Variants in DYNC2H1 observed in about 807,000 individuals in gnomAD.
The protein encoded by DYNC2H1 is dynein cytoplasmic 2 heavy chain 1.
In DYNC2H1, 410 loss-of-function variants were observed where a neutral mutation model predicts 570.0. The observed-to-expected ratio is 0.72, with a 90% CI of 0.66 to 0.78. The LOEUF (loss-of-function observed/expected upper bound fraction) is 0.78. DYNC2H1 is among the 30% of genes least tolerant of loss of function. The pLI, the probability that DYNC2H1 is intolerant of heterozygous loss-of-function variation, is 0.00. For missense variants in DYNC2H1, 4,865 were observed against 5,046.4 expected, an observed-to-expected ratio of 0.96 and a Z score of 1.09; for synonymous variants, 1,688 against 1,677.6, an observed-to-expected ratio of 1.01 and a Z score of -0.15.
chr11:103,438,106 C>T (rs1944126756), intron 85 of DYNC2H1, among the ~76,000 whole-genome samples: 1 of 152,092 alleles, frequency 6.6e-6, no homozygotes, highest in South Asian at 2.1e-4. Flanking sequence ...ATGTTCAGGA[C>T]TGACCATAGC....
At chr11:103,200,455 C>A (rs1591398094) in intron 50 of DYNC2H1, among the ~76,000 whole-genome samples, 1 of 152,218 alleles carries the variant, frequency 6.6e-6, no homozygotes, top group East Asian at 1.9e-4. Flanking sequence ...AAATTATCAT[C>A]TAGGACTTAT....
At chr11:103,197,876 G>A (rs1287041312) in intron 47 of DYNC2H1, 57 bp from the exon 48 acceptor site, 80 of 1,518,284 alleles carry the variant, frequency 5.3e-5, no homozygotes, top group Non-Finnish European at 6.2e-5. Context: ...CAATGTATTT[G>A]TTGAACTCTC....
intron 87 of DYNC2H1, among the ~76,000 whole-genome samples, chr11:103,456,839 G>A (rs1043626680): frequency 1.8e-4 from 27 of 152,142 alleles, no homozygotes; most frequent in Admixed American, 6.5e-4. Flanking sequence ...TTCAGTGTGC[G>A]CAAACATTGT....
At chr11:103,134,479 A>G (rs1859436962) in intron 15 of DYNC2H1, 60 bp downstream of exon 15, 1 of 1,345,900 alleles carries the variant, frequency 7.4e-7, no homozygotes, top group Admixed American at 2.2e-5. Flanking sequence ...GAATGTAAGT[A>G]CAATATATGA....
Position 103,120,992 on chromosome 11 carries a change from T to C in DYNC2H1, c.1316T>C (p.Leu439Ser). The C allele has an allele frequency of 6.3e-7, 1 of 1,591,560 alleles. No individual in the cohort carries two copies. The highest frequency in any genetic ancestry group is 1.3e-5 in the African/African-American group (1 of 74,196). ...CCAACTATAAGCAAAGAATTGATGT[T>C]AGAAAGAGAAACTTTACTGGCAAGA... ...KRPTISKELM[L>S]ERETLLARLV... The change falls in exon 9 of 89, where the codon TTA (leucine) becomes TCA (serine). Residue 439 changes from leucine (L) to serine (S), a missense_variant. By Grantham distance (145) the Leu-to-Ser change is moderately radical. Transcript: ENST00000375735.
intron 83 of DYNC2H1, among the ~76,000 whole-genome samples, chr11:103,365,519 T>C (rs1228914297): frequency 3.3e-5 from 5 of 152,236 alleles, no homozygotes; most frequent in Admixed American, 2.6e-4. Context: ...TAAGTACTTA[T>C]ATTCAGGCAA....
intron 58 of DYNC2H1, among the ~76,000 whole-genome samples, 177 bp downstream of exon 58, chr11:103,222,330 T>C (rs933331792): frequency 1.3e-5 from 2 of 152,162 alleles, no homozygotes; most frequent in Non-Finnish European, 2.9e-5. Context: ...TAAATTAGAA[T>C]CTAGGTAGCA....
chr11:103,171,490 A>G (rs779881640), intron 34 of DYNC2H1, among the ~76,000 whole-genome samples: 9 of 152,166 alleles, frequency 5.9e-5, no homozygotes, highest in Non-Finnish European at 1.0e-4. Context: ...TCCTGACCTC[A>G]GGTGATCCAC....
In DYNC2H1 at chr11:103,256,674, T is replaced by C. The variant is rs1214813859; in HGVS notation, c.10461+434T>C. 6.6e-6 allele frequency among the ~76,000 whole-genome samples: 1 copy of C among 152,196 alleles called. No homozygotes were observed. The highest frequency in any genetic ancestry group is 1.5e-5 in the Non-Finnish European group (1 of 68,012). On this transcript the variant is annotated intron_variant, in intron 68 of 88. Transcript: ENST00000375735. The surrounding 1 kb of genome is among the most constrained non-coding windows in gnomAD (Gnocchi z 4.0). Reference sequence around the variant, plus strand: ...TTTTCATGCTTATAATGAACAGTGCTGGGTACTTTATTATCCTAATGTGGA... The same window carrying C: ...TTTTCATGCTTATAATGAACAGTGCCGGGTACTTTATTATCCTAATGTGGA...
At chr11:103,327,840 A>T (rs1178475478) in intron 82 of DYNC2H1, among the ~76,000 whole-genome samples, 1 of 152,168 alleles carries the variant, frequency 6.6e-6, no homozygotes. Context: ...CTTCTATTTC[A>T]TGTTAGCTAC....
chr11:103,218,457 C>T (rs1348205262), intron 55 of DYNC2H1, among the ~76,000 whole-genome samples: 1 of 151,916 alleles, frequency 6.6e-6, no homozygotes, highest in African/African-American at 2.4e-5. Context: ...TATTTTGGAA[C>T]AAAATTAATA....
intron 83 of DYNC2H1, among the ~76,000 whole-genome samples, chr11:103,379,571 C>A (rs959053246): frequency 2.0e-5 from 3 of 152,132 alleles, no homozygotes; most frequent in Non-Finnish European, 4.4e-5. Flanking sequence ...CAAATTTTGA[C>A]TCTTACTTCC....
At chr11:103,397,320 A>T (rs913240798) in intron 83 of DYNC2H1, among the ~76,000 whole-genome samples, 2 of 152,096 alleles carry the variant, frequency 1.3e-5, no homozygotes, top group Non-Finnish European at 2.9e-5. Context: ...ATAAAAAAAA[A>T]ACCCTAGTAA....
chr11:103,198,004 C>T lies in DYNC2H1; in HGVS notation c.7780C>T (p.Pro2594Ser), dbSNP rs1342560832. The T allele has an allele frequency of 1.9e-6, 3 of 1,559,244 alleles. No homozygotes were observed. The Admixed American group carries it at 5.8e-5, about 30-fold the overall frequency. ...ARAAPGQPLP[P>S]HGKPLGKLNS... ...GGCAGCCCCAGGACAACCATTACCT[C>T]CACATGGAAAACCACTTGGAAAACT... The change falls in exon 48 of 89, where the codon CCA becomes TCA. Residue 2594 changes from proline to serine, a missense_variant. Coordinates refer to ENST00000375735, the MANE Select transcript of DYNC2H1 (RefSeq NM_001377.3).
chr11:103,283,054 A>G lies in DYNC2H1; in HGVS notation c.10859A>G (p.Gln3620Arg). 1 of 1,609,092 alleles carries G rather than the reference A, an allele frequency of 6.2e-7. No homozygotes were observed. Among genetic ancestry groups the G allele is most frequent in the South Asian group, 1.1e-5 (1 of 89,962 alleles). Residue 3620 changes from glutamine to arginine, a missense_variant, in exon 73 of 89, where the codon CAG (glutamine) becomes CGG (arginine). Physicochemically the swap from Gln to Arg is conservative, Grantham distance 43. This residue lies in a region of DYNC2H1 where 2,401 missense variants were observed against 2,454.6 expected (regional missense o/e 0.98). Coordinates refer to ENST00000375735, the MANE Select transcript of DYNC2H1 (RefSeq NM_001377.3). ...GATCAGCTTCCGTCTTGGATAGATCAGGAACGAAGCTGGGCCGTGGCAACA... is the reference window on the plus strand; with the variant it reads ...GATCAGCTTCCGTCTTGGATAGATCGGGAACGAAGCTGGGCCGTGGCAACA... Reference protein sequence around the residue: ...IRDQLPSWIDQERSWAVATLK... With the variant: ...IRDQLPSWIDRERSWAVATLK...
In DYNC2H1 at chr11:103,228,910, G is replaced by C. The variant is rs1250780187; in HGVS notation, c.9354-2350G>C. On this transcript the variant is annotated intron_variant, in intron 59 of 88. Coordinates refer to ENST00000375735, the MANE Select transcript of DYNC2H1 (RefSeq NM_001377.3). The surrounding 1 kb of genome is among the most constrained non-coding windows in gnomAD (Gnocchi z 6.1). ...CTCTCCTTTGGTGGGGCTTGTTGTG[G>C]CTGCTGTGGGGGAGGGGGGTGTGGT... 6.6e-6 allele frequency among the ~76,000 whole-genome samples: 1 copy of C among 152,074 alleles called. No individual in the cohort carries two copies. Among genetic ancestry groups the C allele is most frequent in the Non-Finnish European group, 1.5e-5 (1 of 68,022 alleles).
intron 82 of DYNC2H1, among the ~76,000 whole-genome samples, chr11:103,336,889 T>G (rs1391852184): frequency 3.3e-5 from 5 of 152,196 alleles, no homozygotes; most frequent in African/African-American, 1.2e-4. Flanking sequence ...TGATTTCCTT[T>G]TTTTTGGATA....
In DYNC2H1 at chr11:103,358,276, A is replaced by G. The variant is rs1417472286; in HGVS notation, c.12073A>G (p.Ile4025Val). Residue 4025 changes from isoleucine to valine, a missense_variant, in exon 83 of 89, where the codon ATA (isoleucine) becomes GTA (valine). This residue lies in a region of DYNC2H1 where 2,401 missense variants were observed against 2,454.6 expected (regional missense o/e 0.98). Transcript: ENST00000375735. ...ACAGTTGAGGATTTTGGGCAGATCCATAACAGCTGGTTCCAAATTTGATAG... is the reference window on the plus strand; with the variant it reads ...ACAGTTGAGGATTTTGGGCAGATCCGTAACAGCTGGTTCCAAATTTGATAG... ...ISQLRILGRS[I>V]TAGSKFDREI... 5.7e-6 allele frequency: 9 copies of G among 1,590,330 alleles called. No homozygotes were observed. Among genetic ancestry groups the G allele is most frequent in the South Asian group, 3.4e-5 (3 of 87,184 alleles).
intron 84 of DYNC2H1, among the ~76,000 whole-genome samples, chr11:103,434,316 A>C (rs1943989785): frequency 6.6e-6 from 1 of 152,130 alleles, no homozygotes; most frequent in African/African-American, 2.4e-5. Context: ...TTTCAAGATA[A>C]GCCTTTCTTT....
Sources: allele counts gnomAD v4.1 joint callset (sites outside exome capture counted in the v4.1 genomes callset), GRCh38; gene constraint gnomAD v4.1.1; regional missense constraint gnomAD v4.1.1; non-coding constraint Gnocchi (gnomAD v3.1); transcripts MANE v1.5; gene names NCBI Gene and HGNC (gene_info 2026-07-23, HGNC 2026-07-21).